The following MACROD2 variants were observed in gnomAD, a reference collection of about 807,000 sequenced individuals.
The protein encoded by MACROD2 is ADP-ribose glycohydrolase MACROD2.
In MACROD2, 36 loss-of-function variants were observed where a neutral mutation model predicts 70.4. That is an observed-to-expected ratio of 0.51 (90% CI 0.39 to 0.68). The LOEUF (loss-of-function observed/expected upper bound fraction) is 0.68. Ranked by LOEUF, MACROD2 falls within the 30% of genes least tolerant of loss-of-function variation. The pLI, the probability that MACROD2 is intolerant of heterozygous loss-of-function variation, is 0.00. For missense variants in MACROD2, 496 were observed against 538.4 expected (o/e 0.92, Z 0.78); for synonymous variants, 172 against 178.8 (o/e 0.96, Z 0.30).
chr20:15,576,571 A>G (rs2048451373), intron 8 of MACROD2, among the ~76,000 whole-genome samples: 1 of 89,474 alleles, frequency 1.1e-5, no homozygotes. Flanking sequence ...TTTTCTTCCC[A>G]GAGGTTGAGT....
At chr20:15,521,083 G>A (rs1185967666) in intron 8 of MACROD2, among the ~76,000 whole-genome samples, 1 of 152,180 alleles carries the variant, frequency 6.6e-6, no homozygotes, top group Non-Finnish European at 1.5e-5. Flanking sequence ...GGATAGGCCT[G>A]TAGGTTTTCT....
chr20:15,266,337 C>T (rs1056219446), intron 6 of MACROD2, among the ~76,000 whole-genome samples: 3 of 152,112 alleles, frequency 2.0e-5, no homozygotes, highest in African/African-American at 7.2e-5. Context: ...CTGCACTATC[C>T]GTCACTAAGA....
At chr20:15,544,993 AAAATGTTTTCCTGCT>A (rs2048008159) in intron 8 of MACROD2, among the ~76,000 whole-genome samples, 1 of 152,148 alleles carries the variant, frequency 6.6e-6, no homozygotes, top group Admixed American at 6.5e-5. Context: ...CTGTCATTTG[AAAATGTTTTCCTGCT>A]AAATGTTTTC....
At chr20:15,050,424 A>T (rs1008053890) in intron 5 of MACROD2, among the ~76,000 whole-genome samples, 1 of 152,170 alleles carries the variant, frequency 6.6e-6, no homozygotes, top group African/African-American at 2.4e-5. Context: ...TTCAATTACA[A>T]AATAAAAATA....
At chr20:14,928,337 A>G (rs2074258175) in intron 5 of MACROD2, among the ~76,000 whole-genome samples, 1 of 152,192 alleles carries the variant, frequency 6.6e-6, no homozygotes, top group Admixed American at 6.5e-5. Context: ...GTTCATTTGT[A>G]AGACTAACTT....
chr20:16,015,887 T>A (rs1257319845), intron 15 of MACROD2, among the ~76,000 whole-genome samples: 1 of 152,192 alleles, frequency 6.6e-6, no homozygotes, highest in Non-Finnish European at 1.5e-5. Flanking sequence ...CAGTTATTCA[T>A]CTTTGTTCTT....
Position 14,505,945 on chromosome 20 carries a change from T to TATAA in MACROD2, c.301+12438_301+12439insTAAA, listed in dbSNP as rs560957501. 2.5e-4 allele frequency among the ~76,000 whole-genome samples: 38 copies of TATAA among 152,334 alleles called. No homozygotes were observed. The South Asian group carries it at 6.4e-3, about 26-fold the overall frequency. On this transcript the variant is annotated intron_variant, in intron 4 of 17. Transcript: ENST00000684519. ...AGAATATAACAATTTGAGAAGGATT[T>TATAA]ACGCTTCAAAAACTGCTGAACTTCA...
At chr20:15,006,976 TTTGCAAA>T (rs1317950732) in intron 5 of MACROD2, among the ~76,000 whole-genome samples, 1 of 151,944 alleles carries the variant, frequency 6.6e-6, no homozygotes, top group African/African-American at 2.4e-5. Context: ...AGTCTAAGGC[TTTGCAAA>T]ATTTTGATAA....
At chr20:14,346,763 T>C (rs1053541012) in intron 3 of MACROD2, among the ~76,000 whole-genome samples, 2 of 152,178 alleles carry the variant, frequency 1.3e-5, no homozygotes, top group African/African-American at 4.8e-5. Flanking sequence ...GTAGAACAGG[T>C]ACTCTAAGAG....
intron 8 of MACROD2, among the ~76,000 whole-genome samples, chr20:15,629,177 C>A (rs969194655): frequency 6.6e-6 from 1 of 152,146 alleles, no homozygotes; most frequent in Non-Finnish European, 1.5e-5. Flanking sequence ...CTTCTGTTAG[C>A]TTTAACTATT....
At chr20:14,906,418 C>G (rs1483809509) in intron 5 of MACROD2, among the ~76,000 whole-genome samples, 2 of 152,052 alleles carry the variant, frequency 1.3e-5, no homozygotes, top group African/African-American at 4.8e-5. Context: ...CGCTTGAACC[C>G]GGGAGGCAGA....
intron 6 of MACROD2, among the ~76,000 whole-genome samples, chr20:15,394,447 A>G (rs776785807): frequency 1.5e-4 from 23 of 152,134 alleles, no homozygotes; most frequent in Non-Finnish European, 2.2e-4. Context: ...AGGAGTTGTG[A>G]TACTTACAGT....
intron 3 of MACROD2, among the ~76,000 whole-genome samples, chr20:14,270,010 T>C (rs615331): frequency 0.63 from 95,117 of 151,994 alleles, 31,351 homozygotes; most frequent in Non-Finnish European, 0.74. Flanking sequence ...TATATGGGCA[T>C]TATTATGTAT....
chr20:14,325,594 T>G (rs2082719855), intron 3 of MACROD2: 1 of 1,613,050 alleles, frequency 6.2e-7, no homozygotes, highest in African/African-American at 1.3e-5. Context: ...AATACCACTG[T>G]CTCTGTAGCT....
chr20:15,007,820 G>A (rs774037618), intron 5 of MACROD2, among the ~76,000 whole-genome samples: 1 of 152,186 alleles, frequency 6.6e-6, no homozygotes, highest in East Asian at 1.9e-4. Context: ...CATTGCTTCA[G>A]GAAACCCCAA....
intron 6 of MACROD2, among the ~76,000 whole-genome samples, chr20:15,289,917 C>A (rs1471550373): frequency 6.6e-6 from 1 of 152,142 alleles, no homozygotes; most frequent in Non-Finnish European, 1.5e-5. Flanking sequence ...CAAAGAGTAA[C>A]ACATTTGATG....
At chr20:15,853,027 A>G (rs2064317319) in intron 8 of MACROD2, among the ~76,000 whole-genome samples, 1 of 152,064 alleles carries the variant, frequency 6.6e-6, no homozygotes, top group Admixed American at 6.5e-5. Context: ...AATAATAATA[A>G]TAGTAATAAT....
At chr20:15,844,079 A>G (rs1319520617) in intron 8 of MACROD2, among the ~76,000 whole-genome samples, 3 of 152,022 alleles carry the variant, frequency 2.0e-5, no homozygotes, top group Non-Finnish European at 2.9e-5. Context: ...GCAAAAATGT[A>G]CATTTCTTAA....
At chr20:15,134,158 G>GA (rs1314400267) in intron 5 of MACROD2, among the ~76,000 whole-genome samples, 1 of 84 alleles carries the variant, frequency 0.012, no homozygotes, top group African/African-American at 0.033. Context: ...CTCCCGCCTC[G>GA]CCTCCCAAAG....
Sources: allele counts gnomAD v4.1 joint callset (sites outside exome capture counted in the v4.1 genomes callset), GRCh38; gene constraint gnomAD v4.1.1; transcripts MANE v1.5; gene names NCBI Gene and HGNC (gene_info 2026-07-23, HGNC 2026-07-21).